SPTLC3: variants seen among roughly 807,000 people sequenced by gnomAD.
The protein encoded by SPTLC3 is serine palmitoyltransferase long chain base subunit 3, also known as serine palmitoyltransferase 3.
Under a neutral mutation model 59.3 loss-of-function variants are expected in SPTLC3, and 36 were observed. The observed-to-expected ratio is 0.61, with a 90% confidence interval of 0.47 to 0.80. The LOEUF (loss-of-function observed/expected upper bound fraction) is 0.80, where lower values mean the gene tolerates loss of function less well. Ranked by LOEUF, SPTLC3 falls within the 30% of genes least tolerant of loss-of-function variation. The pLI is 0.00. For synonymous variants in SPTLC3, 257 were observed against 240.8 expected (o/e 1.07, Z -0.62); for missense variants, 625 against 685.1 (o/e 0.91, Z 0.98).
chr20:13,121,741 G>C (rs560611377), intron 8 of SPTLC3, among the ~76,000 whole-genome samples: 1 of 152,104 alleles, frequency 6.6e-6, no homozygotes, highest in Non-Finnish European at 1.5e-5. Context: ...TACTCAAAGA[G>C]CTCCATTTTT....
intron 1 of SPTLC3, among the ~76,000 whole-genome samples, chr20:13,047,675 C>A (rs1987290128): frequency 6.6e-6 from 1 of 152,048 alleles, no homozygotes; most frequent in Admixed American, 6.6e-5. Flanking sequence ...CTGTGCAAAT[C>A]AATTAAACAG....
intron 8 of SPTLC3, among the ~76,000 whole-genome samples, chr20:13,118,893 T>G (rs1194893709): frequency 6.6e-6 from 1 of 152,260 alleles, no homozygotes; most frequent in East Asian, 1.9e-4. Context: ...GCACAGATGC[T>G]TAAAATGTTC....
At chr20:13,117,468 G>C (rs1216997199) in intron 7 of SPTLC3, 38 bp from the exon 8 acceptor site, 1 of 1,526,476 alleles carries the variant, frequency 6.6e-7, no homozygotes, top group Non-Finnish European at 8.8e-7. Flanking sequence ...TCCCAGGAGG[G>C]TATTTGTTAG....
At chr20:13,088,433 C>G (rs895901756) in intron 4 of SPTLC3, among the ~76,000 whole-genome samples, 5 of 152,064 alleles carry the variant, frequency 3.3e-5, no homozygotes, top group African/African-American at 1.2e-4. Context: ...CTCCCGGGTT[C>G]ACATCATTCT....
At chr20:13,095,986 A>G (rs574054296) in intron 6 of SPTLC3, among the ~76,000 whole-genome samples, 2 of 152,258 alleles carry the variant, frequency 1.3e-5, no homozygotes, top group South Asian at 4.2e-4. Context: ...TCTAGTAGGA[A>G]AGGTAGATAT....
chr20:13,126,754 C>G (rs1171522062), intron 9 of SPTLC3, 37 bp downstream of exon 9: 2 of 1,609,728 alleles, frequency 1.2e-6, no homozygotes, highest in Non-Finnish European at 1.7e-6. Flanking sequence ...TCCTGGACCT[C>G]TCTGTCTCCC....
intron 6 of SPTLC3, among the ~76,000 whole-genome samples, chr20:13,107,340 G>A (rs145523324): frequency 6.6e-6 from 1 of 152,166 alleles, no homozygotes; most frequent in Non-Finnish European, 1.5e-5. Flanking sequence ...TGGGTTAAAA[G>A]AGGAAATAGT....
intron 1 of SPTLC3, among the ~76,000 whole-genome samples, chr20:13,032,882 T>C (rs1010688364): frequency 7.9e-5 from 12 of 152,138 alleles, no homozygotes; most frequent in Admixed American, 7.2e-4. Flanking sequence ...TCTTATGAAC[T>C]GACCTGATTA....
intron 8 of SPTLC3, among the ~76,000 whole-genome samples, chr20:13,126,285 T>G (rs2037988244): frequency 6.6e-6 from 1 of 152,206 alleles, no homozygotes; most frequent in African/African-American, 2.4e-5. Flanking sequence ...TCACACATAG[T>G]AGGTACTCAA....
intron 1 of SPTLC3, among the ~76,000 whole-genome samples, chr20:13,017,326 TCTAAG>T (rs1360093573): frequency 6.6e-6 from 1 of 152,188 alleles, no homozygotes; most frequent in Non-Finnish European, 1.5e-5. Flanking sequence ...TTTGAACAAC[TCTAAG>T]CTAAAGAAAA....
chr20:13,128,176 T>C (rs2038037753), intron 9 of SPTLC3, among the ~76,000 whole-genome samples: 1 of 152,262 alleles, frequency 6.6e-6, no homozygotes, highest in South Asian at 2.1e-4. Flanking sequence ...GTATAATTGC[T>C]TGCTACTATT....
intron 1 of SPTLC3, among the ~76,000 whole-genome samples, chr20:13,040,973 A>T (rs1462998612): frequency 6.6e-6 from 1 of 152,108 alleles, no homozygotes; most frequent in East Asian, 1.9e-4. Flanking sequence ...ATTGGGGTTC[A>T]TTTTTATGTG....
At chr20:13,073,942 G>T in intron 3 of SPTLC3, 1 of 585,692 alleles carries the variant, frequency 1.7e-6, no homozygotes, top group Admixed American at 1.9e-5. Context: ...CCAGGGAGGT[G>T]TGGCACCTGA....
At chr20:13,040,045 A>ATG (rs1986906751) in intron 1 of SPTLC3, among the ~76,000 whole-genome samples, 1 of 77,574 alleles carries the variant, frequency 1.3e-5, no homozygotes, top group Admixed American at 1.9e-4. Context: ...GTATGCATGT[A>ATG]CGTGTGTGTG....
chr20:13,162,827 C>A (rs2038920027), intron 11 of SPTLC3, among the ~76,000 whole-genome samples: 1 of 152,132 alleles, frequency 6.6e-6, no homozygotes, highest in South Asian at 2.1e-4. Context: ...ATCTCAGGCA[C>A]AAGCTCAAAT....
intron 1 of SPTLC3, among the ~76,000 whole-genome samples, chr20:13,045,488 G>T (rs1600228012): frequency 6.6e-6 from 1 of 152,088 alleles, no homozygotes; most frequent in African/African-American, 2.4e-5. Context: ...CCTCCTGGGA[G>T]GTGTGACTGA....
chr20:13,049,001 A>T lies in SPTLC3; in HGVS notation c.174A>T (p.Ala58=), dbSNP rs1440447955. The change falls in exon 2 of 12, where the codon GCA becomes GCT. Residue 58 remains alanine, a synonymous_variant. Transcript: ENST00000399002. ...TCATTGTTGAATCGTTTGAGGAAGC[A>T]CCCCTTCATGTTATGGTTTTCACTT... ...DKLIVESFEE[A]PLHVMVFTYM... 1.9e-6 allele frequency: 3 copies of T among 1,603,172 alleles called. No homozygotes were observed. Among genetic ancestry groups the T allele is most frequent in the Non-Finnish European group, 2.5e-6 (3 of 1,177,028 alleles).
At chr20:13,110,577 T>A (rs550298461) in intron 7 of SPTLC3, among the ~76,000 whole-genome samples, 6 of 152,312 alleles carry the variant, frequency 3.9e-5, no homozygotes, top group African/African-American at 1.4e-4. Context: ...CCTTTATGAC[T>A]GGTAGAAATT....
At chr20:13,019,512 C>A (rs1308727293) in intron 1 of SPTLC3, among the ~76,000 whole-genome samples, 1 of 152,142 alleles carries the variant, frequency 6.6e-6, no homozygotes, top group African/African-American at 2.4e-5. Context: ...AGTCTTCCAC[C>A]TTCACTTTCC....
Sources: gnomAD v4.1 joint callset for allele counts (sites outside exome capture counted in the v4.1 genomes callset) on GRCh38, gnomAD v4.1.1 for gene constraint, MANE v1.5 for transcripts, NCBI Gene and HGNC (gene_info 2026-07-23, HGNC 2026-07-21) for gene names.